Variants in MYH15 observed in about 807,000 individuals in gnomAD.
MYH15 encodes the protein myosin heavy chain 15.
Under a neutral mutation model 240.5 loss-of-function variants are expected in MYH15, and 227 were observed. That is an observed-to-expected ratio of 0.94 (90% confidence interval 0.85 to 1.05). The LOEUF (loss-of-function observed/expected upper bound fraction) is 1.05. Among genes scored for constraint, MYH15 ranks in the 50% least tolerant of loss-of-function variants. The pLI, the probability that MYH15 is intolerant of heterozygous loss-of-function variation, is 0.00. For synonymous variants in MYH15, 785 were observed against 796.7 expected (o/e 0.99, Z 0.25); for missense variants, 2,217 against 2,247.5 (o/e 0.99, Z 0.27).
At chr3:108,455,201 T>C (rs1482376648) in intron 20 of MYH15, among the ~76,000 whole-genome samples, 2 of 152,212 alleles carry the variant, frequency 1.3e-5, no homozygotes, top group African/African-American at 4.8e-5. Flanking sequence ...AGTTAGAAGT[T>C]TCCCAAAATA....
At chr3:108,469,923 GGGCTTT>G (rs1447490952) in intron 14 of MYH15, 113 bp downstream of exon 14, 2 of 959,974 alleles carry the variant, frequency 2.1e-6, no homozygotes, top group African/African-American at 1.7e-5. Flanking sequence ...AAAATGTGCA[GGGCTTT>G]CCGCCCCCAT....
chr3:108,460,209 T>C, intron 17 of MYH15, 91 bp downstream of exon 17: 1 of 1,135,668 alleles, frequency 8.8e-7, no homozygotes, highest in Non-Finnish European at 1.2e-6. Flanking sequence ...TGATACTTTA[T>C]CCTTATTTGA....
chr3:108,484,317 G>T (rs966010671), intron 11 of MYH15, among the ~76,000 whole-genome samples: 1 of 152,028 alleles, frequency 6.6e-6, no homozygotes, highest in African/African-American at 2.4e-5. Flanking sequence ...TAAGAGTATA[G>T]ATTTTTTTAA....
At position 108,528,249 on chromosome 3, in the gene MYH15, T is replaced by C. The variant is rs190905209; in HGVS notation, c.-58+1014A>G. ...CAAAAAAGCACCCAGAACAGGTTATTTAATAAATAGAAAAAAATAATTATT... is the reference window on the plus strand; with the variant it reads ...CAAAAAAGCACCCAGAACAGGTTATCTAATAAATAGAAAAAAATAATTATT... On this transcript the variant is annotated intron_variant, in intron 1 of 41. Transcript: ENST00000273353. Among the ~76,000 whole-genome samples, 33 of 152,284 alleles carry C rather than the reference T, an allele frequency of 2.2e-4. No individual in the cohort carries two copies. In the East Asian group the frequency reaches 5.2e-3, roughly 24 times the overall value.
chr3:108,503,285 T>G (rs1034537503), intron 2 of MYH15, among the ~76,000 whole-genome samples: 7 of 152,178 alleles, frequency 4.6e-5, no homozygotes, highest in Non-Finnish European at 8.8e-5. Flanking sequence ...GTAGTTTGTT[T>G]TGGAGAATGT....
chr3:108,381,698 G>A, intron 40 of MYH15, 139 bp from the exon 41 acceptor site: 2 of 923,902 alleles, frequency 2.2e-6, no homozygotes, highest in Non-Finnish European at 3.6e-6. Flanking sequence ...AGGGAGGCAG[G>A]GAATTGAGGC....
intron 2 of MYH15, among the ~76,000 whole-genome samples, chr3:108,505,020 G>C (rs2063191135): frequency 6.6e-6 from 1 of 152,172 alleles, no homozygotes; most frequent in Non-Finnish European, 1.5e-5. Context: ...CTTGGCTTCT[G>C]TGACACTATG....
intron 12 of MYH15, among the ~76,000 whole-genome samples, chr3:108,471,049 G>C (rs1476159583): frequency 1.6e-5 from 1 of 61,686 alleles, no homozygotes. Context: ...AAGAAAAGGA[G>C]AAAGAGGAAG....
chr3:108,468,976 A>T (rs749986772), intron 14 of MYH15, among the ~76,000 whole-genome samples: 3 of 152,190 alleles, frequency 2.0e-5, no homozygotes, highest in African/African-American at 7.2e-5. Context: ...GTTCATCTTT[A>T]TCACTGTTTT....
At chr3:108,416,769 A>AC (rs2082636670) in intron 29 of MYH15, 43 bp downstream of exon 29, 11 of 1,172,420 alleles carry the variant, frequency 9.4e-6, no homozygotes, top group African/African-American at 1.7e-5. Context: ...TAAAAAAAAA[A>AC]ACACACAGTC....
intron 33 of MYH15, among the ~76,000 whole-genome samples, chr3:108,403,878 A>G (rs529724721): frequency 6.6e-6 from 1 of 152,014 alleles, no homozygotes; most frequent in Non-Finnish European, 1.5e-5. Context: ...GCTCTACGAC[A>G]TTCAGATGTA....
At chr3:108,474,126 A>C (rs2083200128) in intron 12 of MYH15, among the ~76,000 whole-genome samples, 1 of 152,132 alleles carries the variant, frequency 6.6e-6, no homozygotes, top group African/African-American at 2.4e-5. Context: ...ACGTTGCAAA[A>C]ATTTTTCCCA....
chr3:108,417,253 T>C (rs1048841600), intron 28 of MYH15, among the ~76,000 whole-genome samples: 1 of 152,336 alleles, frequency 6.6e-6, no homozygotes. Context: ...AACTCCTTGA[T>C]AGTGTAGGTA....
rs530944181 is a variant in MYH15 at position 108,509,736 on chromosome 3, T to C, written c.88+707A>G. Among the ~76,000 whole-genome samples the C allele has an allele frequency of 3.3e-5, 5 of 152,306 alleles. No homozygotes were observed. In the South Asian group the frequency reaches 1.0e-3, roughly 32 times the overall value. ...TTTCTAAATCTCCAATTAGCTGAAA[T>C]TCAACACAGACATGTAAAGGTAGCA... is the stretch of plus-strand genomic sequence containing the variant. On this transcript the variant is annotated intron_variant, in intron 1 of 40. Coordinates refer to ENST00000693548, the MANE Select transcript of MYH15 (RefSeq NM_014981.3).
intron 37 of MYH15, among the ~76,000 whole-genome samples, chr3:108,390,152 T>G (rs2107535201): frequency 6.6e-6 from 1 of 151,970 alleles, no homozygotes; most frequent in South Asian, 2.1e-4. Flanking sequence ...TTAAGAATTT[T>G]GGGGGGGGAT....
intron 3 of MYH15, among the ~76,000 whole-genome samples, chr3:108,500,595 C>T (rs1237363929): frequency 6.6e-6 from 1 of 152,076 alleles, no homozygotes; most frequent in Non-Finnish European, 1.5e-5. Flanking sequence ...GCATTTGAGG[C>T]CAGCGGGGAC....
In MYH15 at chr3:108,493,178, CT is replaced by C; in HGVS notation, c.712-2del. 1.9e-6 allele frequency: 3 copies of C among 1,613,916 alleles called. No individual in the cohort carries two copies. In the South Asian group the frequency reaches 3.3e-5, roughly 18 times the overall value. ...CAAAGTGCATCCTGATGAATTTGCC[CT>C]AGTGTGGACACAGAACACAGTCAGA... On this transcript the variant is annotated splice_acceptor_variant, in intron 7 of 40. Transcript: ENST00000693548. LOFTEE classifies it high-confidence loss of function.
chr3:108,504,278 G>A (rs1052371740), intron 2 of MYH15, among the ~76,000 whole-genome samples: 8 of 152,154 alleles, frequency 5.3e-5, no homozygotes, highest in African/African-American at 1.9e-4. Flanking sequence ...TAGGACTAAG[G>A]AAAATTTCTT....
chr3:108,517,339 AT>A (rs11425723), intron 1 of MYH15, among the ~76,000 whole-genome samples: 119 of 150,164 alleles, frequency 7.9e-4, no homozygotes, highest in Non-Finnish European at 1.3e-3. Context: ...CTTCTGATTA[AT>A]TTTTTTTTTG....
Sources: allele counts gnomAD v4.1 joint callset (sites outside exome capture counted in the v4.1 genomes callset), GRCh38; gene constraint gnomAD v4.1.1; transcripts MANE v1.5; gene names NCBI Gene and HGNC (gene_info 2026-07-23, HGNC 2026-07-21).